ZNF407: variants seen among roughly 807,000 people sequenced by gnomAD.
The protein encoded by ZNF407 is zinc finger protein 407.
A neutral mutation model predicts 131.2 loss-of-function variants in ZNF407; 17 were observed. The observed-to-expected ratio is 0.13, with a 90% CI of 0.09 to 0.19. The LOEUF (loss-of-function observed/expected upper bound fraction) is 0.19. ZNF407 is among the 10% of genes least tolerant of loss of function. The pLI is 1.00. For missense variants in ZNF407, 2,681 were observed against 2,830.6 expected (o/e 0.95, Z 1.20); for synonymous variants, 1,156 against 1,062.0 (o/e 1.09, Z -1.72).
chr18:74,769,745 T>G (rs1969322809), intron 3 of ZNF407, among the ~76,000 whole-genome samples: 1 of 152,246 alleles, frequency 6.6e-6, no homozygotes, highest in South Asian at 2.1e-4. Flanking sequence ...GGTTTTCAAC[T>G]CTAGACTGGA....
At chr18:75,034,443 A>G (rs1246228329) in intron 8 of ZNF407, among the ~76,000 whole-genome samples, 1 of 151,444 alleles carries the variant, frequency 6.6e-6, no homozygotes, top group Non-Finnish European at 1.5e-5. Context: ...AGCTGGGACT[A>G]CAGGTGCGCG....
chr18:74,654,154 T>G (rs1393742527), intron 3 of ZNF407, among the ~76,000 whole-genome samples: 1 of 151,792 alleles, frequency 6.6e-6, no homozygotes. Flanking sequence ...TATTAGAAAT[T>G]TGTTATTGAA....
At chr18:74,708,424 T>C (rs1227364252) in intron 3 of ZNF407, among the ~76,000 whole-genome samples, 2 of 152,224 alleles carry the variant, frequency 1.3e-5, no homozygotes, top group Admixed American at 6.5e-5. Flanking sequence ...TTCTTCATAG[T>C]TCCTTGTATC....
intron 8 of ZNF407, among the ~76,000 whole-genome samples, chr18:74,940,776 G>C (rs552443507): frequency 2.0e-5 from 3 of 152,126 alleles, no homozygotes; most frequent in Non-Finnish European, 4.4e-5. Context: ...TTGGTGAAGC[G>C]TCGCTCCCTC....
At chr18:74,971,891 G>A (rs139483945) in intron 8 of ZNF407, among the ~76,000 whole-genome samples, 94 of 152,288 alleles carry the variant, frequency 6.2e-4, no homozygotes, top group African/African-American at 2.2e-3. Flanking sequence ...AGGTTTAATC[G>A]GACTTGCAGT....
chr18:74,902,261 C>A (rs1010264967), intron 7 of ZNF407, among the ~76,000 whole-genome samples: 3 of 152,186 alleles, frequency 2.0e-5, no homozygotes, highest in Non-Finnish European at 4.4e-5. Context: ...ATTAATCAGT[C>A]CCCTTGTTCA....
chr18:74,689,758 A>G (rs906996386), intron 3 of ZNF407, among the ~76,000 whole-genome samples: 3 of 152,258 alleles, frequency 2.0e-5, no homozygotes, highest in African/African-American at 4.8e-5. Context: ...CAAAGGAAGC[A>G]TAAATCATTA....
At chr18:74,747,587 A>G (rs1968699247) in intron 3 of ZNF407, among the ~76,000 whole-genome samples, 2 of 152,070 alleles carry the variant, frequency 1.3e-5, no homozygotes, top group Admixed American at 1.3e-4. Flanking sequence ...ATTCTGTGTT[A>G]CATACATGGA....
At chr18:74,971,445 T>C (rs1972471155) in intron 8 of ZNF407, among the ~76,000 whole-genome samples, 1 of 152,236 alleles carries the variant, frequency 6.6e-6, no homozygotes, top group Admixed American at 6.5e-5. Context: ...AATGCTTTGC[T>C]GCTTAGAAAT....
chr18:75,054,171 G>A (rs1256672111), intron 8 of ZNF407, among the ~76,000 whole-genome samples: 1 of 152,258 alleles, frequency 6.6e-6, no homozygotes, highest in Non-Finnish European at 1.5e-5. Context: ...TGTTTCAAGT[G>A]TACACAAGCA....
intron 8 of ZNF407, among the ~76,000 whole-genome samples, chr18:74,957,245 C>T (rs886090844): frequency 1.3e-5 from 2 of 152,230 alleles, no homozygotes; most frequent in South Asian, 2.1e-4. Context: ...TTTCCCTATC[C>T]TACAATTGTC....
intron 4 of ZNF407, among the ~76,000 whole-genome samples, chr18:74,818,029 TATACAAA>T (rs1970291124): frequency 6.6e-6 from 1 of 152,226 alleles, no homozygotes. Flanking sequence ...TCTTTTGAAG[TATACAAA>T]GTAAATCTTC....
At chr18:74,879,777 T>C (rs754578900) in intron 5 of ZNF407, among the ~76,000 whole-genome samples, 1 of 152,170 alleles carries the variant, frequency 6.6e-6, no homozygotes, top group Non-Finnish European at 1.5e-5. Flanking sequence ...TTAAGCGTAA[T>C]TTGGTTAAAA....
chr18:74,767,885 C>A (rs2144991904), intron 3 of ZNF407, among the ~76,000 whole-genome samples: 1 of 140,134 alleles, frequency 7.1e-6, no homozygotes, highest in Non-Finnish European at 1.5e-5. Flanking sequence ...CCAGGATGGT[C>A]TCGATTTCCT....
intron 4 of ZNF407, among the ~76,000 whole-genome samples, chr18:74,784,295 A>T (rs552652): frequency 0.015 from 2,348 of 152,322 alleles, 69 homozygotes; most frequent in African/African-American, 0.052. Context: ...AGCAAATAGT[A>T]ATAGAAGTTA....
chr18:74,744,812 G>A (rs1278123086), intron 3 of ZNF407, among the ~76,000 whole-genome samples: 2 of 27,886 alleles, frequency 7.2e-5, no homozygotes, highest in Non-Finnish European at 1.0e-4. Flanking sequence ...AATGTACTAA[G>A]CAGTGTATTA....
In ZNF407 at chr18:74,635,709, A is replaced by G; in HGVS notation, c.4687+3A>G. 6.4e-7 allele frequency: 1 copy of G among 1,563,766 alleles called. No homozygotes were observed. The highest frequency in any genetic ancestry group is 8.7e-7 in the Non-Finnish European group (1 of 1,154,952). On this transcript the variant is annotated splice_donor_region_variant and intron_variant, in intron 2 of 8. Transcript: ENST00000299687. This position sits in a 1 kb window ranked among gnomAD's most constrained non-coding sequence, Gnocchi z 4.7. ...GGCACACATTCGCACTCACACAGGT[A>G]TGTAGCTCTGCAGCAAGCCAAGTCA...
chr18:75,020,443 C>T (rs535185597), intron 8 of ZNF407, among the ~76,000 whole-genome samples: 1 of 152,050 alleles, frequency 6.6e-6, no homozygotes, highest in South Asian at 2.1e-4. Flanking sequence ...GAAACTTTTT[C>T]CTGGAAATCA....
chr18:74,884,096 G>GC (rs1216277200), intron 6 of ZNF407, among the ~76,000 whole-genome samples: 1 of 152,188 alleles, frequency 6.6e-6, no homozygotes, highest in African/African-American at 2.4e-5. Context: ...AAACCTGTTT[G>GC]ATCAGTCTGC....
Sources: gnomAD v4.1 joint callset for allele counts (sites outside exome capture counted in the v4.1 genomes callset) on GRCh38, gnomAD v4.1.1 for gene constraint, Gnocchi (gnomAD v3.1) non-coding constraint, MANE v1.5 for transcripts, NCBI Gene and HGNC (gene_info 2026-07-23, HGNC 2026-07-21) for gene names.